Variants in TMEM132D observed in about 807,000 individuals in gnomAD.
The protein encoded by TMEM132D is transmembrane protein 132D, also known as mature OL transmembrane protein.
TMEM132D carries 21 observed loss-of-function variants against 62.3 expected under a neutral mutation model. The observed-to-expected ratio is 0.34, with a 90% CI of 0.24 to 0.49. TMEM132D has a LOEUF of 0.49. Among genes scored for constraint, TMEM132D ranks in the 20% least tolerant of loss-of-function variants. The probability of loss-of-function intolerance (pLI) is 0.99; values close to 1 mark genes in which losing one functional copy is unlikely to be tolerated. For missense variants in TMEM132D, 1,346 were observed against 1,402.8 expected (o/e 0.96, Z 0.65); for synonymous variants, 621 against 575.6 (o/e 1.08, Z -1.13).
At chr12:129,737,242 C>G (rs1869455799) in intron 1 of TMEM132D, among the ~76,000 whole-genome samples, 1 of 152,184 alleles carries the variant, frequency 6.6e-6, no homozygotes, top group Non-Finnish European at 1.5e-5. Flanking sequence ...ATGCCACCAG[C>G]CCACCTTCAG....
At chr12:129,587,322 T>C (rs935317689) in intron 2 of TMEM132D, among the ~76,000 whole-genome samples, 7 of 152,184 alleles carry the variant, frequency 4.6e-5, no homozygotes, top group Admixed American at 1.3e-4. Flanking sequence ...TTCTCACTTA[T>C]AAGTAGAAGC....
intron 2 of TMEM132D, among the ~76,000 whole-genome samples, chr12:129,588,963 T>C (rs1170224003): frequency 6.6e-6 from 1 of 152,128 alleles, no homozygotes. Context: ...ATACACAATC[T>C]GGGGTTTAAA....
In TMEM132D at chr12:129,074,275, A is replaced by G. The variant is rs1167403105; in HGVS notation, c.2900T>C (p.Leu967Ser). 6.2e-7 allele frequency: 1 copy of G among 1,613,960 alleles called. No homozygotes were observed. Among genetic ancestry groups the G allele is most frequent in the Non-Finnish European group, 8.5e-7 (1 of 1,180,030 alleles). ...CTCCAACAGCTCTGTCCGGTTGCTT[A>G]ACCCAACCCAGTCATGAGAGTGACT... ...GMSHSHDWVGLSNRTELLENH... is the reference protein window; with the variant it reads ...GMSHSHDWVGSSNRTELLENH... The change falls in exon 9 of 9, where the codon TTA becomes TCA. Residue 967 changes from leucine (L) to serine (S), a missense_variant. By Grantham distance (145) the Leu-to-Ser change is moderately radical. Coordinates refer to ENST00000422113, the MANE Select transcript of TMEM132D (RefSeq NM_133448.3).
In TMEM132D at chr12:129,605,604, T is replaced by C. The variant is rs118089484; in HGVS notation, c.969-74399A>G. ...ATTAGGCATTATATATATATATATA[T>C]ACACACACATATATATATACACACA... On this transcript the variant is annotated intron_variant, in intron 2 of 8. Coordinates refer to ENST00000422113, the MANE Select transcript of TMEM132D (RefSeq NM_133448.3). Among the ~76,000 whole-genome samples the C allele has an allele frequency of 4.0e-4, 43 of 106,262 alleles. 1 individual carries two copies. The highest frequency in any genetic ancestry group is 9.3e-4 in the African/African-American group (24 of 25,732). The allele number at this position is 106,262 out of a possible 152,430, so 69.7% of individuals were successfully genotyped here.
chr12:129,290,001 T>C (rs537004317), intron 4 of TMEM132D, among the ~76,000 whole-genome samples: 2 of 152,312 alleles, frequency 1.3e-5, no homozygotes, highest in South Asian at 2.1e-4. Flanking sequence ...CTGTTGGAAT[T>C]TGAATGGGTC....
chr12:129,294,576 G>C (rs1881523687), intron 4 of TMEM132D, among the ~76,000 whole-genome samples: 1 of 152,164 alleles, frequency 6.6e-6, no homozygotes, highest in Non-Finnish European at 1.5e-5. Context: ...TAGGGGACAG[G>C]TGACTGGATG....
rs1415335081 is a variant in TMEM132D, at chr12:129,089,112, C to T, written c.1444-4410G>A. ...CCATGACCGGGGTGTCCTCCATGAC[C>T]GGGGTGTCCTCTATGACCGGGTGTC... On this transcript the variant is annotated intron_variant, in intron 5 of 8. Transcript: ENST00000422113. 8.3e-5 allele frequency among the ~76,000 whole-genome samples: 4 copies of T among 48,290 alleles called. 1 individual carries two copies. Among genetic ancestry groups the T allele is most frequent in the South Asian group, 7.6e-4 (1 of 1,314 alleles). 31.7% of individuals were successfully genotyped at this position (48,290 alleles called of 152,430 possible). A position where few individuals can be genotyped will look rare whatever the true frequency, so the allele number is the denominator to read the frequency against.
At chr12:129,861,559 G>C (rs1249031214) in intron 1 of TMEM132D, among the ~76,000 whole-genome samples, 27 of 152,064 alleles carry the variant, frequency 1.8e-4, no homozygotes, top group Admixed American at 1.8e-3. Flanking sequence ...ACAGTAGTTC[G>C]AGACCAGCCT....
At chr12:129,578,228 C>A (rs976852554) in intron 2 of TMEM132D, among the ~76,000 whole-genome samples, 16 of 152,108 alleles carry the variant, frequency 1.1e-4, no homozygotes, top group Non-Finnish European at 1.9e-4. Context: ...AGCTCTCAGG[C>A]CTTCGGACTC....
At chr12:129,215,415 C>A (rs76487044) in intron 4 of TMEM132D, among the ~76,000 whole-genome samples, 2,146 of 152,244 alleles carry the variant, frequency 0.014, 25 homozygotes, top group Middle Eastern at 0.041. Flanking sequence ...ATAATTGGTA[C>A]AACAAACCTC....
chr12:129,784,580 T>A (rs757666937), intron 1 of TMEM132D, among the ~76,000 whole-genome samples: 11 of 152,368 alleles, frequency 7.2e-5, no homozygotes, highest in Non-Finnish European at 1.3e-4. Flanking sequence ...AAAGCCTATA[T>A]AATTTCCATC....
chr12:129,354,389 T>C (rs946403527), intron 3 of TMEM132D, among the ~76,000 whole-genome samples: 1 of 151,794 alleles, frequency 6.6e-6, no homozygotes, highest in Admixed American at 6.6e-5. Flanking sequence ...AGTGGCATGA[T>C]CTTAGCTTAC....
rs143846767 is a variant in TMEM132D at position 129,586,469 on chromosome 12, A to G, written c.969-55264T>C. ...ACTGGGTGGCTTACAAACAACAGAG[A>G]TTGACTCCTCACACTTCCGGAGCCT... On this transcript the variant is annotated intron_variant, in intron 2 of 8. Transcript: ENST00000422113. 1.4e-3 allele frequency among the ~76,000 whole-genome samples: 211 copies of G among 152,298 alleles called. 1 individual carries two copies. Among genetic ancestry groups the G allele is most frequent in the African/African-American group, 4.8e-3 (200 of 41,560 alleles).
In TMEM132D at chr12:129,480,656, G is replaced by A. The variant is rs576034525; in HGVS notation, c.1115+50403C>T. 2.9e-4 allele frequency among the ~76,000 whole-genome samples: 44 copies of A among 152,270 alleles called. 2 individuals are homozygous for A. In the East Asian group the frequency reaches 6.9e-3, roughly 24 times the overall value. ...CCCACACTCCATCTTCCTTAGGGAC[G>A]GTTGGAGGATGACAGTTTCCAGGGA... On this transcript the variant is annotated intron_variant, in intron 3 of 8. Transcript: ENST00000422113.
At chr12:129,697,978 G>A (rs925359759) in intron 2 of TMEM132D, among the ~76,000 whole-genome samples, 2 of 152,144 alleles carry the variant, frequency 1.3e-5, no homozygotes, top group African/African-American at 4.8e-5. Flanking sequence ...GGATTGCAGT[G>A]TTTAATCCTG....
intron 2 of TMEM132D, among the ~76,000 whole-genome samples, chr12:129,670,481 T>C (rs564865772): frequency 6.6e-6 from 1 of 151,950 alleles, no homozygotes; most frequent in East Asian, 2.0e-4. Flanking sequence ...CCATATGAAC[T>C]TGTGGCCCCC....
At chr12:129,874,116 T>C (rs187449627) in intron 1 of TMEM132D, among the ~76,000 whole-genome samples, 48 of 152,342 alleles carry the variant, frequency 3.2e-4, no homozygotes, top group Middle Eastern at 3.4e-3. Context: ...AATGAGGCCG[T>C]ATTGTGGACT....
At chr12:129,713,809 C>G (rs1215180308) in intron 1 of TMEM132D, among the ~76,000 whole-genome samples, 2 of 152,218 alleles carry the variant, frequency 1.3e-5, no homozygotes, top group Non-Finnish European at 2.9e-5. Context: ...TGGGCCCCAC[C>G]CCCAGAGCTT....
chr12:129,738,794 G>T (rs1015940981), intron 1 of TMEM132D, among the ~76,000 whole-genome samples: 1 of 152,146 alleles, frequency 6.6e-6, no homozygotes, highest in East Asian at 1.9e-4. Context: ...AAAGGAGAAG[G>T]GTCAATGCCA....
Sources: allele counts gnomAD v4.1 joint callset (sites outside exome capture counted in the v4.1 genomes callset), GRCh38; gene constraint gnomAD v4.1.1; transcripts MANE v1.5; gene names NCBI Gene and HGNC (gene_info 2026-07-23, HGNC 2026-07-21).